Variants in SLC44A1 observed in about 807,000 individuals in gnomAD.
SLC44A1 encodes solute carrier family 44 member 1.
SLC44A1 carries 26 observed loss-of-function variants against 79.3 expected under a neutral mutation model. The observed-to-expected ratio is 0.33, with a 90% CI of 0.24 to 0.46. The LOEUF is 0.46. Among genes scored for constraint, SLC44A1 ranks in the 20% least tolerant of loss-of-function variants. The probability of loss-of-function intolerance (pLI) is 1.00; values close to 1 mark genes in which losing one functional copy is unlikely to be tolerated. For synonymous variants in SLC44A1, 263 were observed against 286.2 expected (o/e 0.92, Z 0.82); for missense variants, 688 against 798.1 (o/e 0.86, Z 1.66).
At chr9:105,428,459 G>C (rs1315386322) in intron 15 of SLC44A1, among the ~76,000 whole-genome samples, 1 of 152,168 alleles carries the variant, frequency 6.6e-6, no homozygotes, top group Non-Finnish European at 1.5e-5. Flanking sequence ...GTTGTTCAGA[G>C]TTTAGACTCT....
intron 13 of SLC44A1, among the ~76,000 whole-genome samples, chr9:105,377,976 G>A (rs1473052863): frequency 6.6e-6 from 1 of 152,120 alleles, no homozygotes; most frequent in Non-Finnish European, 1.5e-5. Context: ...GGCCGGGCAC[G>A]GTGGCTCACG....
At position 105,404,547 on chromosome 9, in the gene SLC44A1, G is replaced by A. The variant is rs148021668; in HGVS notation, c.1950+19045G>A. On this transcript the variant is annotated intron_variant, in intron 15 of 15. Coordinates refer to the SLC44A1 transcript ENST00000374724. ...ATTTATTGCCAGTGCCTCCAGTCCA[G>A]TCATGGGTTGTTTGTCCTCTCTGCC... 5.1e-3 allele frequency among the ~76,000 whole-genome samples: 782 copies of A among 152,328 alleles called. 12 individuals carry two copies. Among genetic ancestry groups the A allele is most frequent in the Middle Eastern group, 0.02 (6 of 294 alleles).
At chr9:105,346,133 A>T (rs1313058455) in intron 4 of SLC44A1, among the ~76,000 whole-genome samples, 1 of 152,124 alleles carries the variant, frequency 6.6e-6, no homozygotes, top group African/African-American at 2.4e-5. Flanking sequence ...TTCTCTGTTC[A>T]TCAACCCTTT....
chr9:105,338,956 A>C (rs901411130), intron 4 of SLC44A1, among the ~76,000 whole-genome samples: 3 of 152,224 alleles, frequency 2.0e-5, no homozygotes, highest in African/African-American at 4.8e-5. Context: ...TCCATGAAAG[A>C]GCCTAAATGT....
chr9:105,352,050 TG>T (rs1453560566), intron 5 of SLC44A1, among the ~76,000 whole-genome samples: 2 of 152,076 alleles, frequency 1.3e-5, no homozygotes, highest in Admixed American at 1.3e-4. Flanking sequence ...CGCTTGAGTC[TG>T]GAAGTTCAAA....
Position 105,344,489 on chromosome 9 carries a change from C to A in SLC44A1, c.407-3869C>A, listed in dbSNP as rs189813932. Reference sequence around the variant, plus strand: ...TTGCAATGCACAGGACAGCCCCCTACAACCAAGAATTGTCCAGCACAAAAT... The same window carrying A: ...TTGCAATGCACAGGACAGCCCCCTAAAACCAAGAATTGTCCAGCACAAAAT... On this transcript the variant is annotated intron_variant, in intron 4 of 15. Transcript: ENST00000374720. Among the ~76,000 whole-genome samples the A allele has an allele frequency of 2.5e-3, 387 of 152,252 alleles. 1 individual carries two copies. Among genetic ancestry groups the A allele is most frequent in the Non-Finnish European group, 3.9e-3 (267 of 68,016 alleles).
At chr9:105,275,868 G>A (rs1438782386) in intron 1 of SLC44A1, among the ~76,000 whole-genome samples, 2 of 151,068 alleles carry the variant, frequency 1.3e-5, no homozygotes, top group Non-Finnish European at 2.9e-5. Flanking sequence ...GCAGTGGCGC[G>A]ATCTCAGCTC....
At chr9:105,433,013 C>T (rs996936806) in intron 15 of SLC44A1, among the ~76,000 whole-genome samples, 6 of 151,982 alleles carry the variant, frequency 3.9e-5, no homozygotes, top group South Asian at 2.1e-4. Context: ...TTTTACAAAT[C>T]GCCGGGCGTG....
intron 4 of SLC44A1, among the ~76,000 whole-genome samples, chr9:105,348,030 A>T (rs1342475023): frequency 1.3e-5 from 2 of 152,060 alleles, no homozygotes; most frequent in African/African-American, 4.8e-5. Flanking sequence ...AGTAGGCTTA[A>T]TAATACCTGC....
intron 15 of SLC44A1, among the ~76,000 whole-genome samples, chr9:105,419,402 A>G (rs1461272534): frequency 2.6e-5 from 4 of 152,236 alleles, no homozygotes; most frequent in Non-Finnish European, 5.9e-5. Flanking sequence ...TAAAGAGAGT[A>G]TCTTTCAAGA....
chr9:105,425,693 G>A (rs1005597324), intron 15 of SLC44A1, among the ~76,000 whole-genome samples: 1 of 152,132 alleles, frequency 6.6e-6, no homozygotes, highest in Non-Finnish European at 1.5e-5. Context: ...CGTGATGGCG[G>A]GTGCCTGTAA....
At chr9:105,262,306 T>C (rs762840889) in intron 1 of SLC44A1, among the ~76,000 whole-genome samples, 5 of 152,208 alleles carry the variant, frequency 3.3e-5, no homozygotes, top group Admixed American at 6.5e-5. Context: ...TCTGTAGGCA[T>C]GACAGCATTT....
In SLC44A1 at chr9:105,389,502, A is replaced by G. The variant is rs181193091; in HGVS notation, c.*446A>G. ...AATCAAGATCTTATTTTACTGATGC[A>G]TAAGTCCTAGTGGGTCAAGACTAGG... On this transcript the variant is annotated 3_prime_UTR_variant, in exon 16 of 16. Transcript: ENST00000374720. 3.2e-5 allele frequency: 33 copies of G among 1,046,332 alleles called. No homozygotes were observed. In the East Asian group the frequency reaches 1.7e-3, roughly 54 times the overall value. 64.8% of individuals were successfully genotyped at this position (1,046,332 alleles called of 1,614,324 possible).
intron 1 of SLC44A1, among the ~76,000 whole-genome samples, chr9:105,247,545 C>T (rs1829486595): frequency 6.6e-6 from 1 of 152,204 alleles, no homozygotes; most frequent in Admixed American, 6.5e-5. Flanking sequence ...GATCTACCCA[C>T]CTCGGCCTCC....
intron 1 of SLC44A1, among the ~76,000 whole-genome samples, chr9:105,294,314 C>T (rs1412307617): frequency 1.3e-5 from 2 of 152,140 alleles, no homozygotes; most frequent in South Asian, 2.1e-4. Flanking sequence ...GGTATCAATT[C>T]CTTGTGCCTG....
At chr9:105,331,258 T>C (rs1826740119) in intron 3 of SLC44A1, among the ~76,000 whole-genome samples, 1 of 152,186 alleles carries the variant, frequency 6.6e-6, no homozygotes, top group South Asian at 2.1e-4. Flanking sequence ...GGGGGAGGTA[T>C]GGAGGCCAAG....
intron 1 of SLC44A1, among the ~76,000 whole-genome samples, chr9:105,258,832 C>T (rs561157569): frequency 3.3e-5 from 5 of 151,974 alleles, no homozygotes; most frequent in South Asian, 4.2e-4. Context: ...GGATTATAGG[C>T]GCCAACCACA....
intron 1 of SLC44A1, among the ~76,000 whole-genome samples, chr9:105,252,169 G>A (rs1293059858): frequency 6.6e-6 from 1 of 152,178 alleles, no homozygotes; most frequent in Admixed American, 6.5e-5. Flanking sequence ...CAGTGTCAGA[G>A]TTGAGTAGTT....
chr9:105,309,887 A>G (rs1831132521), intron 3 of SLC44A1, 21 bp downstream of exon 3: 2 of 1,608,568 alleles, frequency 1.2e-6, no homozygotes, highest in Non-Finnish European at 1.7e-6. Context: ...TTGCTGAATG[A>G]TGAACACATG....
Sources: allele counts gnomAD v4.1 joint callset (sites outside exome capture counted in the v4.1 genomes callset), GRCh38; gene constraint gnomAD v4.1.1; transcripts MANE v1.5; gene names NCBI Gene and HGNC (gene_info 2026-07-23, HGNC 2026-07-21).